The following SLC13A1 variants were observed in gnomAD, a reference collection of about 807,000 sequenced individuals.
The protein encoded by SLC13A1 is solute carrier family 13 member 1, also known as Na(+)/sulfate cotransporter.
Under a neutral mutation model 70.0 loss-of-function variants are expected in SLC13A1, and 65 were observed. That is an observed-to-expected ratio of 0.93 (90% CI 0.76 to 1.14). The LOEUF is 1.14. Ranked by LOEUF, SLC13A1 falls within the 50% of genes most tolerant of loss-of-function variation. The pLI is 0.00. For synonymous variants in SLC13A1, 275 were observed against 250.5 expected (o/e 1.10, Z -0.92); for missense variants, 726 against 717.8 (o/e 1.01, Z -0.13).
At chr7:123,172,543 A>T (rs903883108) in intron 2 of SLC13A1, among the ~76,000 whole-genome samples, 1 of 152,138 alleles carries the variant, frequency 6.6e-6, no homozygotes, top group Non-Finnish European at 1.5e-5. Flanking sequence ...AATTGCTTGA[A>T]CCCAGGAGGC....
intron 14 of SLC13A1, among the ~76,000 whole-genome samples, chr7:123,116,856 A>G (rs751270443): frequency 6.6e-6 from 1 of 152,196 alleles, no homozygotes; most frequent in Non-Finnish European, 1.5e-5. Context: ...AGATTTGGAA[A>G]CTACTAGAAT....
chr7:123,175,710 G>C lies in SLC13A1; in HGVS notation c.229-3806C>G, dbSNP rs185122224. Among the ~76,000 whole-genome samples, 168 of 152,184 alleles carry C rather than the reference G, an allele frequency of 1.1e-3. 1 individual carries two copies. Among genetic ancestry groups the C allele is most frequent in the African/African-American group, 3.6e-3 (149 of 41,524 alleles). On this transcript the variant is annotated intron_variant, in intron 2 of 14. Transcript: ENST00000194130. ...TAAATATCTGTTGTTTATTTACCCA[G>C]CTTAATGTATTTTGTTGTAGTAATC... is the stretch of plus-strand genomic sequence containing the variant.
At chr7:123,153,534 A>G (rs1253234001) in intron 6 of SLC13A1, among the ~76,000 whole-genome samples, 1 of 152,030 alleles carries the variant, frequency 6.6e-6, no homozygotes, top group Non-Finnish European at 1.5e-5. Context: ...ATGATACTGA[A>G]GTAAAGGGTA....
chr7:123,145,569 T>C (rs1794321879), intron 7 of SLC13A1, among the ~76,000 whole-genome samples: 1 of 152,186 alleles, frequency 6.6e-6, no homozygotes, highest in African/African-American at 2.4e-5. Flanking sequence ...ATATAAGTCA[T>C]TTTCAAAAAG....
intron 8 of SLC13A1, among the ~76,000 whole-genome samples, chr7:123,132,366 T>C (rs1216823477): frequency 6.6e-6 from 1 of 151,914 alleles, no homozygotes; most frequent in Non-Finnish European, 1.5e-5. Flanking sequence ...TTTCAGCATT[T>C]TTCTTTTCTT....
At position 123,162,001 on chromosome 7, in the gene SLC13A1, A is replaced by T. The variant is rs1157943840; in HGVS notation, c.660+6373T>A. 3.3e-5 allele frequency among the ~76,000 whole-genome samples: 5 copies of T among 151,958 alleles called. No individual in the cohort carries two copies. In the South Asian group the frequency reaches 1.0e-3, roughly 32 times the overall value. On this transcript the variant is annotated intron_variant, in intron 6 of 14. Transcript: ENST00000194130. ...ATATTTCTTAATCAAAATACAGAAA[A>T]ATCAATTTGGAGACAAACATATTTC...
rs756186153 is a variant in SLC13A1 at position 123,168,484 on chromosome 7, A to G, written c.611+20T>C. On this transcript the variant is annotated intron_variant, in intron 5 of 14. Transcript: ENST00000194130. ...AATATAATTTGGAAAAATCCCAATC[A>G]AAATGTCAGTATTCCTTACCCTGGA... 6.2e-7 allele frequency: 1 copy of G among 1,603,828 alleles called. No homozygotes were observed. The highest frequency in any genetic ancestry group is 2.2e-5 in the East Asian group (1 of 44,540).
intron 13 of SLC13A1, 88 bp from the exon 14 acceptor site, chr7:123,117,696 C>T: frequency 1.4e-6 from 1 of 723,878 alleles, no homozygotes. Flanking sequence ...AATAAGCCTT[C>T]CCAGAAGCAT....
Position 123,119,242 on chromosome 7 carries a change from C to T in SLC13A1, c.1351G>A (p.Glu451Lys), listed in dbSNP as rs1793290183. 1 of 1,581,976 alleles carries T rather than the reference C, an allele frequency of 6.3e-7. No homozygotes were observed. The highest frequency in any genetic ancestry group is 8.6e-7 in the Non-Finnish European group (1 of 1,163,612). Residue 451 changes from glutamate to lysine, a missense_variant and splice_region_variant, in exon 13 of 15, where the codon GAG becomes AAG. Physicochemically the swap from Glu to Lys is moderately conservative, Grantham distance 56. Coordinates refer to ENST00000194130, the MANE Select transcript of SLC13A1 (RefSeq NM_022444.4). ...CCTATCCACTTAGATAATCCAGACTCCTAAAAAACAAATTTGCAATATTTG... is the reference window on the plus strand; with the variant it reads ...CCTATCCACTTAGATAATCCAGACTTCTAAAAAACAAATTTGCAATATTTG... ...GGFALADGCE[E>K]SGLSKWIGNK...
intron 1 of SLC13A1, among the ~76,000 whole-genome samples, chr7:123,197,226 A>G (rs908079610): frequency 1.3e-5 from 2 of 152,152 alleles, no homozygotes; most frequent in African/African-American, 4.8e-5. Context: ...AATAACAAGC[A>G]GGAAAATGAA....
At chr7:123,129,247 T>C (rs1309336390) in intron 9 of SLC13A1, 136 bp downstream of exon 9, 2 of 773,844 alleles carry the variant, frequency 2.6e-6, no homozygotes, top group Non-Finnish European at 4.2e-6. Context: ...TCAAGTGTTA[T>C]AAATACCTTG....
chr7:123,143,356 C>G lies in SLC13A1; in HGVS notation c.812+3803G>C, dbSNP rs914418075. Among the ~76,000 whole-genome samples, 47 of 152,022 alleles carry G rather than the reference C, an allele frequency of 3.1e-4. 1 individual carries two copies. The highest frequency in any genetic ancestry group is 1.5e-5 in the Non-Finnish European group (1 of 68,004). On this transcript the variant is annotated intron_variant, in intron 7 of 14. Transcript: ENST00000194130. ...ACTTCCTTTCAGAGTTATTTTTGGC[C>G]CCAGAACACTTTAGCCCGCAGTGGT...
chr7:123,199,577 T>C (rs1385200020), intron 1 of SLC13A1, among the ~76,000 whole-genome samples: 1 of 152,100 alleles, frequency 6.6e-6, no homozygotes, highest in African/African-American at 2.4e-5. Flanking sequence ...TTGTGCTTCT[T>C]TTGTTCTTCC....
chr7:123,138,673 A>G (rs1451118276), intron 7 of SLC13A1, among the ~76,000 whole-genome samples: 1 of 152,064 alleles, frequency 6.6e-6, no homozygotes, highest in African/African-American at 2.4e-5. Context: ...ATGATCAGTG[A>G]TGTTGCATGC....
chr7:123,162,760 C>T (rs1794956781), intron 6 of SLC13A1, among the ~76,000 whole-genome samples: 1 of 151,998 alleles, frequency 6.6e-6, no homozygotes, highest in African/African-American at 2.4e-5. Context: ...TACAAGACTC[C>T]TTTGAATTTT....
intron 6 of SLC13A1, among the ~76,000 whole-genome samples, chr7:123,149,012 A>C (rs947131310): frequency 6.6e-6 from 1 of 152,140 alleles, no homozygotes; most frequent in Non-Finnish European, 1.5e-5. Flanking sequence ...CAATTTTATG[A>C]GATTTTATGA....
At chr7:123,144,291 A>C (rs1794270212) in intron 7 of SLC13A1, among the ~76,000 whole-genome samples, 1 of 152,220 alleles carries the variant, frequency 6.6e-6, no homozygotes, top group Non-Finnish European at 1.5e-5. Flanking sequence ...TTACAAACAT[A>C]GAAATGGGTC....
intron 2 of SLC13A1, among the ~76,000 whole-genome samples, chr7:123,176,631 G>T (rs1795454561): frequency 6.6e-6 from 1 of 152,062 alleles, no homozygotes. Flanking sequence ...TTTTTTAAAA[G>T]GTGCTTTGTT....
chr7:123,122,584 A>G lies in SLC13A1; in HGVS notation c.1350+542T>C, dbSNP rs150908878. 3.0e-4 allele frequency among the ~76,000 whole-genome samples: 45 copies of G among 152,266 alleles called. No individual in the cohort carries two copies. In the East Asian group the frequency reaches 8.3e-3, roughly 28 times the overall value. ...TCTCATGGTGTTTTTATTTCTTACT[A>G]AGATTAGACATAATATAATGTTAGA... On this transcript the variant is annotated intron_variant, in intron 12 of 14. Transcript: ENST00000194130.
Sources: allele counts gnomAD v4.1 joint callset (sites outside exome capture counted in the v4.1 genomes callset), GRCh38; gene constraint gnomAD v4.1.1; transcripts MANE v1.5; gene names NCBI Gene and HGNC (gene_info 2026-07-23, HGNC 2026-07-21).